Variants in SAMSN1 observed in about 807,000 individuals in gnomAD.
SAMSN1 encodes SAM domain-containing protein SAMSN-1.
Under a neutral mutation model 42.0 loss-of-function variants are expected in SAMSN1, and 31 were observed. The ratio of observed to expected loss-of-function variants is 0.74; its 90% confidence interval spans 0.55 to 1.00. SAMSN1 has a LOEUF of 1.00. SAMSN1 is among the 50% of genes least tolerant of loss of function. The probability of loss-of-function intolerance (pLI) is 0.00; values close to 1 mark genes in which losing one functional copy is unlikely to be tolerated. For synonymous variants in SAMSN1, 178 were observed against 151.9 expected (o/e 1.17, Z -1.26); for missense variants, 464 against 439.4 (o/e 1.06, Z -0.50).
At chr21:14,496,764 A>C (rs558625392) in intron 7 of SAMSN1, among the ~76,000 whole-genome samples, 1 of 152,300 alleles carries the variant, frequency 6.6e-6, no homozygotes, top group East Asian at 1.9e-4. Flanking sequence ...TCACAACTTC[A>C]AAGAAAGCAT....
chr21:14,623,290 G>A (rs893670238), intron 2 of SAMSN1, among the ~76,000 whole-genome samples: 1 of 152,128 alleles, frequency 6.6e-6, no homozygotes, highest in African/African-American at 2.4e-5. Context: ...AAATGTAAAT[G>A]GGTTAAATGC....
At position 14,486,093 on chromosome 21, in the gene SAMSN1, T is replaced by C; in HGVS notation, c.941A>G (p.Glu314Gly). ...EEEIIQEQEN[E>G]PEPLSLSSDI... ...TGAGCTCAAGGATAGGGGCTCAGGT[T>C]CATTTTCTTGCTCTTGAATAACTGT... The change falls in exon 8 of 8, where the codon GAA becomes GGA. Residue 314 changes from glutamate to glycine, a missense_variant. By Grantham distance (98) the Glu-to-Gly change is moderately conservative. Transcript: ENST00000400566. The C allele has an allele frequency of 6.2e-7, 1 of 1,613,410 alleles. No homozygotes were observed. The highest frequency in any genetic ancestry group is 8.5e-7 in the Non-Finnish European group (1 of 1,179,558).
chr21:14,598,403 CA>C (rs1375312333), intron 6 of SAMSN1: 3 of 152,144 alleles, frequency 2.0e-5, no homozygotes, highest in Admixed American at 2.0e-4. Context: ...GAAGAACAAA[CA>C]AGAACAAGAA....
intron 7 of SAMSN1, among the ~76,000 whole-genome samples, chr21:14,489,560 G>A (rs1986592399): frequency 6.6e-6 from 1 of 152,034 alleles, no homozygotes; most frequent in East Asian, 1.9e-4. Context: ...ATCTAAATTA[G>A]AATACACTGA....
At chr21:14,569,385 G>T (rs1981220059) in intron 2 of SAMSN1, among the ~76,000 whole-genome samples, 1 of 152,084 alleles carries the variant, frequency 6.6e-6, no homozygotes, top group Non-Finnish European at 1.5e-5. Context: ...ATTCATTTTG[G>T]CCGACTGCTG....
At chr21:14,502,071 A>T (rs986130471) in intron 5 of SAMSN1, among the ~76,000 whole-genome samples, 1 of 152,206 alleles carries the variant, frequency 6.6e-6, no homozygotes, top group East Asian at 1.9e-4. Flanking sequence ...TGCCCTTTTT[A>T]AGTGTCTATC....
chr21:14,633,256 A>G (rs989184957), intron 2 of SAMSN1, among the ~76,000 whole-genome samples: 1 of 152,072 alleles, frequency 6.6e-6, no homozygotes, highest in African/African-American at 2.4e-5. Context: ...CTGTTTCTCT[A>G]GAGAACCCTG....
intron 6 of SAMSN1, chr21:14,598,409 C>A (rs1212323099): frequency 6.6e-6 from 1 of 152,090 alleles, no homozygotes; most frequent in East Asian, 1.9e-4. Flanking sequence ...CAAACAAGAA[C>A]AAGAATGCAA....
At chr21:14,641,322 GCTTT>G (rs1983593187) in intron 2 of SAMSN1, among the ~76,000 whole-genome samples, 1 of 152,010 alleles carries the variant, frequency 6.6e-6, no homozygotes, top group Non-Finnish European at 1.5e-5. Flanking sequence ...TTCTAACATT[GCTTT>G]CTAATTGCTC....
At chr21:14,635,567 C>G (rs1427023103) in intron 2 of SAMSN1, among the ~76,000 whole-genome samples, 3 of 151,994 alleles carry the variant, frequency 2.0e-5, no homozygotes, top group Non-Finnish European at 4.4e-5. Flanking sequence ...TTCTTCTTGT[C>G]CAGTAAAAAT....
At chr21:14,566,315 T>C (rs1385051721) in intron 2 of SAMSN1, among the ~76,000 whole-genome samples, 1 of 152,184 alleles carries the variant, frequency 6.6e-6, no homozygotes, top group Non-Finnish European at 1.5e-5. Context: ...AAAAGCCTTT[T>C]AACATAAGTA....
intron 2 of SAMSN1, among the ~76,000 whole-genome samples, chr21:14,561,012 A>G (rs1478986960): frequency 6.6e-6 from 1 of 152,208 alleles, no homozygotes; most frequent in Non-Finnish European, 1.5e-5. Flanking sequence ...CACTGATAAG[A>G]TAGACACAGT....
intron 2 of SAMSN1, among the ~76,000 whole-genome samples, chr21:14,626,669 A>G (rs2123354008): frequency 6.6e-6 from 1 of 152,360 alleles, no homozygotes; most frequent in East Asian, 1.9e-4. Flanking sequence ...ACACTTTTAC[A>G]CTGTTGGTGG....
intron 2 of SAMSN1, among the ~76,000 whole-genome samples, chr21:14,616,808 G>A (rs1400911983): frequency 6.6e-6 from 1 of 152,074 alleles, no homozygotes; most frequent in Non-Finnish European, 1.5e-5. Context: ...CTTTTGAGGG[G>A]GAAAAACACA....
intron 2 of SAMSN1, among the ~76,000 whole-genome samples, chr21:14,636,844 A>G (rs746592174): frequency 1.6e-4 from 24 of 152,248 alleles, no homozygotes; most frequent in South Asian, 8.3e-4. Context: ...AGCCTGGGCG[A>G]CAGAGCGAGA....
At chr21:14,564,226 G>A (rs916987518) in intron 2 of SAMSN1, among the ~76,000 whole-genome samples, 6 of 152,100 alleles carry the variant, frequency 3.9e-5, no homozygotes, top group South Asian at 2.1e-4. Context: ...TTATGGAGAC[G>A]CCGATGGAGA....
intron 1 of SAMSN1, among the ~76,000 whole-genome samples, chr21:14,650,507 C>A (rs1983814717): frequency 6.6e-6 from 1 of 151,838 alleles, no homozygotes; most frequent in African/African-American, 2.4e-5. Flanking sequence ...ACACAACATA[C>A]CAAAACCTAT....
rs562715975 is a variant in SAMSN1 at position 14,572,650 on chromosome 21, G to A, written c.261+9486C>T. Among the ~76,000 whole-genome samples, 14 of 152,254 alleles carry A rather than the reference G, an allele frequency of 9.2e-5. No individual in the cohort carries two copies. In the East Asian group the frequency reaches 2.1e-3, roughly 23 times the overall value. On this transcript the variant is annotated intron_variant, in intron 2 of 8. Transcript: ENST00000285670. ...CTTTGCCTAATTCATAGAGCTAGTA[G>A]AAGAGCAAATGTGAGAAAAGTTATA...
intron 2 of SAMSN1, among the ~76,000 whole-genome samples, chr21:14,621,568 G>A (rs1267370245): frequency 3.3e-5 from 5 of 152,316 alleles, no homozygotes; most frequent in Admixed American, 2.0e-4. Flanking sequence ...GTCTGAGATC[G>A]AACTGCAAGG....
Sources: allele counts gnomAD v4.1 joint callset (sites outside exome capture counted in the v4.1 genomes callset), GRCh38; gene constraint gnomAD v4.1.1; transcripts MANE v1.5; gene names NCBI Gene and HGNC (gene_info 2026-07-23, HGNC 2026-07-21).